Variants in ATRNL1 observed in about 807,000 individuals in gnomAD.
ATRNL1 encodes attractin-like protein 1.
ATRNL1 carries 95 observed loss-of-function variants against 182.7 expected under a neutral mutation model. The ratio of observed to expected loss-of-function variants is 0.52; its 90% confidence interval spans 0.44 to 0.62. The LOEUF (loss-of-function observed/expected upper bound fraction) is 0.62, where lower values mean the gene tolerates loss of function less well. Ranked by LOEUF, ATRNL1 falls within the 20% of genes least tolerant of loss-of-function variation. The probability of loss-of-function intolerance (pLI) is 0.00; values close to 1 mark genes in which losing one functional copy is unlikely to be tolerated. For synonymous variants in ATRNL1, 576 were observed against 568.3 expected (o/e 1.01, Z -0.19); for missense variants, 1,471 against 1,679.5 (o/e 0.88, Z 2.17).
rs1270489896 is a variant in ATRNL1 at position 115,389,538 on chromosome 10, G to GTATATATATATATA, written c.3176-5120_3176-5119insATATATATATATAT. ...AGCTGAATAGTATTCAAATGTGTAT[G>GTATATATATATATA]TGTATATATATATATATATATATAT... On this transcript the variant is annotated intron_variant, in intron 19 of 28. Transcript: ENST00000355044. Among the ~76,000 whole-genome samples, 13 of 51,404 alleles carry GTATATATATATATA rather than the reference G, an allele frequency of 2.5e-4. 1 individual carries two copies. The highest frequency in any genetic ancestry group is 1.1e-3 in the African/African-American group (11 of 10,014). The allele number at this position is 51,404 out of a possible 152,430, so 33.7% of individuals were successfully genotyped here.
At chr10:115,395,840 A>G (rs1844260348) in intron 20 of ATRNL1, among the ~76,000 whole-genome samples, 1 of 151,814 alleles carries the variant, frequency 6.6e-6, no homozygotes, top group East Asian at 1.9e-4. Flanking sequence ...GTTTATCTAT[A>G]TTATTAAAAT....
At chr10:115,927,743 A>G (rs1953277797) in intron 28 of ATRNL1, among the ~76,000 whole-genome samples, 10 of 152,086 alleles carry the variant, frequency 6.6e-5, no homozygotes, top group Admixed American at 6.6e-4. Flanking sequence ...TGACTTGTCA[A>G]GAGAATCAGT....
At chr10:115,721,198 T>G (rs17093489) in intron 26 of ATRNL1, among the ~76,000 whole-genome samples, 2,887 of 152,218 alleles carry the variant, frequency 0.019, 106 homozygotes, top group East Asian at 0.18. Flanking sequence ...TCATATGAAT[T>G]ATATAATCAG....
intron 19 of ATRNL1, among the ~76,000 whole-genome samples, chr10:115,381,589 A>G (rs927850027): frequency 6.6e-6 from 1 of 151,706 alleles, no homozygotes; most frequent in Non-Finnish European, 1.5e-5. Context: ...TTATTATTTA[A>G]TAGAAGAGTT....
chr10:115,166,687 A>C (rs1295630196), intron 7 of ATRNL1, among the ~76,000 whole-genome samples: 3 of 151,946 alleles, frequency 2.0e-5, no homozygotes, highest in African/African-American at 7.2e-5. Flanking sequence ...CTTATTGGCT[A>C]TTTGTATATC....
In ATRNL1 at chr10:115,350,334, C is replaced by CAAAAAAAAAAAA. The variant is rs1424122017; in HGVS notation, c.3175+15926_3175+15927insAAAAAAAAAAAA. Among the ~76,000 whole-genome samples the CAAAAAAAAAAAA allele has an allele frequency of 1.2e-3, 35 of 29,720 alleles. 7 individuals are homozygous for CAAAAAAAAAAAA. The highest frequency in any genetic ancestry group is 0.025 in the Middle Eastern group (1 of 40). 19.5% of individuals were successfully genotyped at this position (29,720 alleles called of 152,430 possible). On this transcript the variant is annotated intron_variant, in intron 19 of 28. Transcript: ENST00000355044. ...CTGGTGACAGAGCAAGACTCTGTCT[C>CAAAAAAAAAAAA]AAAAAAAAAAAGAAAAAAAAAAAAA...
At position 115,436,543 on chromosome 10, in the gene ATRNL1, C is replaced by G. The variant is rs1325267831; in HGVS notation, c.3322+10241C>G. ...AACAGATTTTACTTTTGAAATTGTT[C>G]TAAATGTTCCAGATTCAGTAGAAAT... On this transcript the variant is annotated intron_variant, in intron 21 of 28. Coordinates refer to ENST00000355044, the MANE Select transcript of ATRNL1 (RefSeq NM_207303.4). Among the ~76,000 whole-genome samples, 11 of 152,126 alleles carry G rather than the reference C, an allele frequency of 7.2e-5. No individual in the cohort carries two copies. The East Asian group carries it at 2.1e-3, about 29-fold the overall frequency.
chr10:115,287,182 T>TA (rs1383772586), intron 15 of ATRNL1, among the ~76,000 whole-genome samples: 5 of 152,026 alleles, frequency 3.3e-5, no homozygotes, highest in Admixed American at 6.6e-5. Context: ...AATCTGGACA[T>TA]ATGCTTATTT....
intron 9 of ATRNL1, among the ~76,000 whole-genome samples, chr10:115,237,042 C>T (rs1554901595): frequency 2.0e-5 from 3 of 152,116 alleles, no homozygotes; most frequent in African/African-American, 7.2e-5. Context: ...TAGCAATAAG[C>T]ATTTAAAGTT....
intron 21 of ATRNL1, among the ~76,000 whole-genome samples, chr10:115,452,355 G>A (rs1847321463): frequency 6.6e-6 from 1 of 152,042 alleles, no homozygotes; most frequent in Admixed American, 6.6e-5. Context: ...GGTCATAACA[G>A]ATGCTCTCTT....
At chr10:115,359,772 T>C (rs1856652775) in intron 19 of ATRNL1, among the ~76,000 whole-genome samples, 1 of 151,632 alleles carries the variant, frequency 6.6e-6, no homozygotes, top group Non-Finnish European at 1.5e-5. Context: ...TCTTGATATC[T>C]GACTTTTCAG....
rs562396465 is a variant in ATRNL1 at position 115,643,974 on chromosome 10, A to G, written c.3796-83274A>G. Among the ~76,000 whole-genome samples, 17 of 152,288 alleles carry G rather than the reference A, an allele frequency of 1.1e-4. No homozygotes were observed. In the South Asian group the frequency reaches 3.5e-3, roughly 32 times the overall value. ...ATCTCATTTCTCCATCTTTACCCCAAAGAAGCAAGAACTTAGGTGCACACA... is the reference window on the plus strand; with the variant it reads ...ATCTCATTTCTCCATCTTTACCCCAGAGAAGCAAGAACTTAGGTGCACACA... On this transcript the variant is annotated intron_variant, in intron 26 of 28. Coordinates refer to ENST00000355044, the MANE Select transcript of ATRNL1 (RefSeq NM_207303.4).
At chr10:115,193,714 T>C (rs1181177941) in intron 8 of ATRNL1, among the ~76,000 whole-genome samples, 5 of 151,928 alleles carry the variant, frequency 3.3e-5, no homozygotes, top group African/African-American at 1.2e-4. Flanking sequence ...TCTGCTCTGA[T>C]CTTTATTATT....
chr10:115,156,962 G>A (rs10885662), intron 5 of ATRNL1, among the ~76,000 whole-genome samples: 31,819 of 151,944 alleles, frequency 0.21, 4,283 homozygotes, highest in Non-Finnish European at 0.3. Flanking sequence ...GAAAGGTTTC[G>A]GGGAGAGAGG....
intron 28 of ATRNL1, among the ~76,000 whole-genome samples, chr10:115,915,439 A>G (rs1555116990): frequency 1.3e-5 from 2 of 152,146 alleles, no homozygotes; most frequent in Non-Finnish European, 2.9e-5. Flanking sequence ...AATGAAGCCA[A>G]GTGCTAAGGA....
At chr10:115,409,732 C>T (rs1845041312) in intron 20 of ATRNL1, among the ~76,000 whole-genome samples, 1 of 152,070 alleles carries the variant, frequency 6.6e-6, no homozygotes, top group East Asian at 1.9e-4. Flanking sequence ...GATACCAAAA[C>T]CAGACAAGGA....
At chr10:115,426,058 C>T (rs1244826105) in intron 20 of ATRNL1, among the ~76,000 whole-genome samples, 192 bp from the exon 21 acceptor site, 2 of 151,902 alleles carry the variant, frequency 1.3e-5, no homozygotes, top group African/African-American at 4.8e-5. Flanking sequence ...CACTTTTTCT[C>T]ATATATAAAG....
intron 10 of ATRNL1, among the ~76,000 whole-genome samples, chr10:115,246,811 C>T (rs1254217481): frequency 4.6e-5 from 3 of 65,244 alleles, no homozygotes; most frequent in Non-Finnish European, 3.4e-5. Context: ...CCACCCGCCT[C>T]GGCCTCCCAA....
At chr10:115,788,700 A>C (rs1372086764) in intron 27 of ATRNL1, among the ~76,000 whole-genome samples, 1 of 152,220 alleles carries the variant, frequency 6.6e-6, no homozygotes, top group African/African-American at 2.4e-5. Flanking sequence ...GCAGAAAACC[A>C]GTCCCTGGAA....
Sources: gnomAD v4.1 joint callset for allele counts (sites outside exome capture counted in the v4.1 genomes callset) on GRCh38, gnomAD v4.1.1 for gene constraint, MANE v1.5 for transcripts, NCBI Gene and HGNC (gene_info 2026-07-23, HGNC 2026-07-21) for gene names.